Variants in PYY observed in about 807,000 individuals in gnomAD.
PYY encodes peptide tyrosine tyrosine.
In PYY, 12 loss-of-function variants were observed where a neutral mutation model predicts 10.3. The ratio of observed to expected loss-of-function variants is 1.17; its 90% CI spans 0.75 to 1.89. PYY has a LOEUF of 1.89. Among genes scored for constraint, PYY ranks in the 40% most tolerant of loss-of-function variants. PYY has a pLI of 0.00. For missense variants in PYY, 141 were observed against 134.0 expected, an observed-to-expected ratio of 1.05 and a Z score of -0.26; for synonymous variants, 66 against 62.0, an observed-to-expected ratio of 1.06 and a Z score of -0.30.
intron 1 of PYY, among the ~76,000 whole-genome samples, chr17:44,001,026 T>A (rs1427127977): frequency 6.6e-6 from 1 of 152,200 alleles, no homozygotes; most frequent in Non-Finnish European, 1.5e-5. Context: ...CCCGTGTGTC[T>A]ACACATCGTT....
At chr17:44,003,175 A>C (rs1451238520) in intron 1 of PYY, among the ~76,000 whole-genome samples, 1 of 152,068 alleles carries the variant, frequency 6.6e-6, no homozygotes, top group Non-Finnish European at 1.5e-5. Flanking sequence ...GGGATTACAG[A>C]AACATGCCAC....
rs970160664 is a variant in PYY at position 43,953,180 on chromosome 17, T to C, written c.198A>G (p.Lys66=). 4 of 1,613,626 alleles carry C rather than the reference T, an allele frequency of 2.5e-6. No homozygotes were observed. The highest frequency in any genetic ancestry group is 3.4e-6 in the Non-Finnish European group (4 of 1,179,778). The change falls in exon 3 of 4, where the codon AAA becomes AAG. Residue 66 remains lysine (K), a synonymous_variant. Coordinates refer to ENST00000692052, the MANE Select transcript of PYY (RefSeq NM_001394028.1). ...AAAGAAGCGTGTCCGGGCCGTCTCTTTTCCCATACCTGGGGGCGGGGAAGG... is the reference window on the plus strand; with the variant it reads ...AAAGAAGCGTGTCCGGGCCGTCTCTCTTCCCATACCTGGGGGCGGGGAAGG... The part of the protein sequence containing the change: ...LNLVTRQRYG[K]RDGPDTLLSK...
upstream of PYY, among the ~76,000 whole-genome samples, chr17:43,957,322 T>C (rs2048680807): frequency 6.6e-6 from 1 of 152,016 alleles, no homozygotes; most frequent in South Asian, 2.1e-4. Flanking sequence ...TCCTTGCCCT[T>C]ATAGAGCTCA....
chr17:43,954,617 C>T (rs2048660236), upstream of PYY, among the ~76,000 whole-genome samples: 2 of 152,154 alleles, frequency 1.3e-5, no homozygotes, highest in South Asian at 2.1e-4. Context: ...GCAGCTGAGT[C>T]GGCCACCTGT....
At chr17:43,969,333 T>C (rs1337909519) in intron 1 of PYY, among the ~76,000 whole-genome samples, 2 of 151,626 alleles carry the variant, frequency 1.3e-5, no homozygotes, top group Admixed American at 6.6e-5. Context: ...CTAATCAACA[T>C]GGTGAAACCC....
At chr17:43,958,238 A>T (rs971854673), upstream of PYY, among the ~76,000 whole-genome samples, 1 of 150,762 alleles carries the variant, frequency 6.6e-6, no homozygotes, top group East Asian at 1.9e-4. Context: ...ATGTCATAAA[A>T]TTTTTTTAGT....
chr17:43,953,174 G>T lies in PYY; in HGVS notation c.204C>A (p.Asp68Glu). The change falls in exon 3 of 4, where the codon GAC (aspartate) becomes GAA (glutamate). Residue 68 changes from aspartate (D) to glutamate (E), a missense_variant. Transcript: ENST00000692052. ...LVTRQRYGKR[D>E]GPDTLLSKTF... ...TTTTGGAAAGAAGCGTGTCCGGGCC[G>T]TCTCTTTTCCCATACCTGGGGGCGG... 1 of 1,613,820 alleles carries T rather than the reference G, an allele frequency of 6.2e-7. No homozygotes were observed. Among genetic ancestry groups the T allele is most frequent in the Non-Finnish European group, 8.5e-7 (1 of 1,179,802 alleles).
rs1290618293 is a variant in PYY at position 43,976,173 on chromosome 17, A to G, written c.-462-9641T>C. Among the ~76,000 whole-genome samples, 3 of 86,724 alleles carry G rather than the reference A, an allele frequency of 3.5e-5. 1 individual carries two copies. The Admixed American group carries it at 3.7e-4, about 11-fold the overall frequency. 56.9% of individuals were successfully genotyped at this position (86,724 alleles called of 152,430 possible). A position where few individuals can be genotyped will look rare whatever the true frequency, so the allele number is the denominator to read the frequency against. The stretch of plus-strand genomic sequence containing the variant: ...TACATATGTATACATGCATGCATAT[A>G]TGTATATATACGTATATGTATACAT... On this transcript the variant is annotated intron_variant, in intron 1 of 6. Transcript: ENST00000360085.
chr17:43,963,581 A>G (rs1597845579), intron 2 of PYY, among the ~76,000 whole-genome samples: 1 of 76,144 alleles, frequency 1.3e-5, no homozygotes, highest in African/African-American at 4.5e-5. Flanking sequence ...AAAGAAAGAA[A>G]GAAAGAAAGA....
upstream of PYY, among the ~76,000 whole-genome samples, chr17:43,955,384 T>C (rs908438897): frequency 2.0e-5 from 3 of 152,186 alleles, no homozygotes; most frequent in African/African-American, 7.2e-5. Context: ...GTGGGCGCTA[T>C]TTTTAGAGCT....
At chr17:43,972,539 A>AT (rs11413544) in intron 1 of PYY, among the ~76,000 whole-genome samples, 119,065 of 147,678 alleles carry the variant, frequency 0.81, 48,252 homozygotes, top group East Asian at 1. Context: ...TTTAAAAAAC[A>AT]TTTTTTTTTT....
At chr17:43,988,323 G>A (rs989631027) in intron 1 of PYY, among the ~76,000 whole-genome samples, 2 of 152,330 alleles carry the variant, frequency 1.3e-5, no homozygotes, top group Non-Finnish European at 2.9e-5. Flanking sequence ...CTTTACGAGC[G>A]TAAAAGCTCT....
At chr17:43,983,183 G>T (rs993129432) in intron 1 of PYY, among the ~76,000 whole-genome samples, 1 of 152,164 alleles carries the variant, frequency 6.6e-6, no homozygotes, top group Non-Finnish European at 1.5e-5. Flanking sequence ...AGTGGGCCAA[G>T]GTCACGCCAT....
intron 2 of PYY, among the ~76,000 whole-genome samples, chr17:43,959,734 C>T (rs531305266): frequency 1.3e-5 from 2 of 152,310 alleles, no homozygotes; most frequent in South Asian, 4.2e-4. Flanking sequence ...TGTTGCGAAG[C>T]CTGAAATTAG....
intron 1 of PYY, among the ~76,000 whole-genome samples, chr17:43,973,188 A>G (rs2048806897): frequency 1.3e-5 from 2 of 152,100 alleles, no homozygotes; most frequent in South Asian, 4.1e-4. Context: ...TTAGAACAGA[A>G]CCTGAAAGTA....
intron 1 of PYY, among the ~76,000 whole-genome samples, chr17:43,982,010 T>C (rs2048886775): frequency 6.6e-6 from 1 of 152,174 alleles, no homozygotes; most frequent in Non-Finnish European, 1.5e-5. Flanking sequence ...TCACTTTCCA[T>C]AAACATTTTA....
At chr17:43,959,165 C>T (rs2048695240) in intron 2 of PYY, among the ~76,000 whole-genome samples, 2 of 152,128 alleles carry the variant, frequency 1.3e-5, no homozygotes, top group South Asian at 4.1e-4. Flanking sequence ...ATTCGTGCCT[C>T]AATGTGAATT....
intron 1 of PYY, among the ~76,000 whole-genome samples, chr17:43,992,068 C>G (rs1567937408): frequency 6.9e-6 from 1 of 144,832 alleles, no homozygotes; most frequent in Non-Finnish European, 1.5e-5. Flanking sequence ...TTGCAGTGAG[C>G]CAAGACTGTG....
chr17:43,979,117 G>GA (rs1300296709), intron 1 of PYY, among the ~76,000 whole-genome samples: 1 of 152,110 alleles, frequency 6.6e-6, no homozygotes, highest in Non-Finnish European at 1.5e-5. Flanking sequence ...TTACACGAGG[G>GA]AAAAAAACTT....
Sources: gnomAD v4.1 joint callset for allele counts (sites outside exome capture counted in the v4.1 genomes callset) on GRCh38, gnomAD v4.1.1 for gene constraint, MANE v1.5 for transcripts, NCBI Gene and HGNC (gene_info 2026-07-23, HGNC 2026-07-21) for gene names.